CSMD3: variants seen among roughly 807,000 people sequenced by gnomAD.
CSMD3 encodes the protein CUB and sushi domain-containing protein 3.
Under a neutral mutation model 435.2 loss-of-function variants are expected in CSMD3, and 177 were observed. The observed-to-expected ratio is 0.41, with a 90% confidence interval of 0.36 to 0.46. The LOEUF (loss-of-function observed/expected upper bound fraction) is 0.46, where lower values mean the gene tolerates loss of function less well. Among genes scored for constraint, CSMD3 ranks in the 20% least tolerant of loss-of-function variants. The pLI is 0.34. For synonymous variants in CSMD3, 1,656 were observed against 1,520.5 expected (o/e 1.09, Z -2.07); for missense variants, 4,265 against 4,504.6 (o/e 0.95, Z 1.52).
intron 27 of CSMD3, among the ~76,000 whole-genome samples, chr8:112,524,495 C>T (rs1005327382): frequency 6.6e-6 from 1 of 151,926 alleles, no homozygotes; most frequent in Non-Finnish European, 1.5e-5. Context: ...TACCAGGTAC[C>T]GTGCCAAGTT....
At chr8:113,275,619 A>C (rs2093563672) in intron 3 of CSMD3, among the ~76,000 whole-genome samples, 1 of 152,070 alleles carries the variant, frequency 6.6e-6, no homozygotes. Flanking sequence ...AAGTTTTTTA[A>C]AAATAGTAAA....
intron 23 of CSMD3, among the ~76,000 whole-genome samples, chr8:112,581,103 A>G (rs1830305100): frequency 6.6e-6 from 1 of 152,120 alleles, no homozygotes; most frequent in Admixed American, 6.6e-5. Flanking sequence ...TGCTTTATAA[A>G]CATCATTTAA....
In CSMD3 at chr8:112,866,097, T is replaced by C. The variant is rs760152739; in HGVS notation, c.1634-6831A>G. Among the ~76,000 whole-genome samples the C allele has an allele frequency of 5.9e-5, 9 of 152,170 alleles. No homozygotes were observed. The South Asian group carries it at 1.0e-3, about 18-fold the overall frequency. On this transcript the variant is annotated intron_variant, in intron 10 of 70. Coordinates refer to ENST00000297405, the MANE Select transcript of CSMD3 (RefSeq NM_198123.2). ...ATTAGGGTTGTTGAAAGATTTCTGGTAAGGAACATTTTGTTGATGGTATGA... is the reference window on the plus strand; with the variant it reads ...ATTAGGGTTGTTGAAAGATTTCTGGCAAGGAACATTTTGTTGATGGTATGA...
intron 32 of CSMD3, among the ~76,000 whole-genome samples, chr8:112,468,071 A>T (rs1230921938): frequency 4.6e-5 from 7 of 152,194 alleles, no homozygotes; most frequent in Non-Finnish European, 8.8e-5. Context: ...AGGTGGGAGA[A>T]TAGGAAGGAA....
chr8:113,198,660 A>G (rs958344687), intron 3 of CSMD3, among the ~76,000 whole-genome samples: 1 of 151,304 alleles, frequency 6.6e-6, no homozygotes, highest in African/African-American at 2.4e-5. Context: ...TGGACAGACT[A>G]AATGATTATT....
chr8:113,289,495 C>T (rs539956102), intron 2 of CSMD3, among the ~76,000 whole-genome samples: 1 of 149,268 alleles, frequency 6.7e-6, no homozygotes, highest in South Asian at 2.1e-4. Context: ...AAAATTATGA[C>T]CGAGAGAGAG....
At chr8:112,569,348 C>T (rs889259366) in intron 24 of CSMD3, among the ~76,000 whole-genome samples, 2 of 152,096 alleles carry the variant, frequency 1.3e-5, no homozygotes, top group African/African-American at 2.4e-5. Flanking sequence ...TCTCACTCTT[C>T]ACTTTTTCTT....
At chr8:112,911,509 T>C (rs1406035826) in intron 10 of CSMD3, among the ~76,000 whole-genome samples, 2 of 151,684 alleles carry the variant, frequency 1.3e-5, no homozygotes, top group South Asian at 2.1e-4. Flanking sequence ...TCATACAATG[T>C]TTGTCTTTGT....
intron 51 of CSMD3, among the ~76,000 whole-genome samples, chr8:112,305,755 A>G (rs781316617): frequency 3.3e-5 from 5 of 152,292 alleles, no homozygotes; most frequent in Non-Finnish European, 7.4e-5. Flanking sequence ...TTTACAAAAT[A>G]AAACATCATT....
At chr8:112,693,558 C>A (rs1221756297) in intron 13 of CSMD3, among the ~76,000 whole-genome samples, 1 of 151,794 alleles carries the variant, frequency 6.6e-6, no homozygotes, top group Non-Finnish European at 1.5e-5. Flanking sequence ...ATTAATCTGC[C>A]CCTTCTCCTC....
intron 42 of CSMD3, among the ~76,000 whole-genome samples, chr8:112,338,913 T>G (rs901734616): frequency 5.3e-5 from 8 of 152,116 alleles, no homozygotes; most frequent in African/African-American, 1.9e-4. Flanking sequence ...TTTAGTTTAA[T>G]AAGTATAGAA....
chr8:112,525,826 A>AT lies in CSMD3; in HGVS notation c.4565-8602_4565-8601insA, dbSNP rs1258902488. ...TATATATATACACACACATATAAAAAATATATATATATATATACAGGGTCT... is the reference window on the plus strand; with the variant it reads ...TATATATATACACACACATATAAAAATATATATATATATATATACAGGGTCT... On this transcript the variant is annotated intron_variant, in intron 27 of 70. Transcript: ENST00000297405. 1.4e-3 allele frequency among the ~76,000 whole-genome samples: 188 copies of AT among 135,326 alleles called. 1 individual carries two copies. Among genetic ancestry groups the AT allele is most frequent in the African/African-American group, 4.7e-3 (172 of 36,290 alleles). The allele number at this position is 135,326 out of a possible 152,430, so 88.8% of individuals were successfully genotyped here. A position where few individuals can be genotyped will look rare whatever the true frequency, so the allele number is the denominator to read the frequency against.
chr8:113,405,700 A>C (rs1323932834), intron 1 of CSMD3, among the ~76,000 whole-genome samples: 2 of 151,714 alleles, frequency 1.3e-5, no homozygotes, highest in Admixed American at 6.6e-5. Context: ...AAAATGTAGG[A>C]TCACCTATGG....
chr8:112,870,926 G>T (rs1587531557), intron 10 of CSMD3, among the ~76,000 whole-genome samples: 3 of 152,062 alleles, frequency 2.0e-5, no homozygotes, highest in Admixed American at 2.0e-4. Context: ...ATGGAGAAAA[G>T]GAATTGTTTT....
chr8:112,624,384 A>T (rs1008393506), intron 22 of CSMD3, among the ~76,000 whole-genome samples: 6 of 152,132 alleles, frequency 3.9e-5, no homozygotes. Flanking sequence ...ATAAAACTAT[A>T]TAATGTCCAC....
At chr8:113,201,971 C>T (rs1423383172) in intron 3 of CSMD3, among the ~76,000 whole-genome samples, 1 of 152,062 alleles carries the variant, frequency 6.6e-6, no homozygotes, top group Non-Finnish European at 1.5e-5. Context: ...CAAACTGCCA[C>T]AGCTAGTATG....
At chr8:112,345,286 A>G (rs371722223) in intron 41 of CSMD3, among the ~76,000 whole-genome samples, 6 of 152,300 alleles carry the variant, frequency 3.9e-5, no homozygotes, top group East Asian at 3.9e-4. Context: ...GATATCTTCA[A>G]TCTTGTATTT....
chr8:113,435,496 T>G (rs889377865), intron 1 of CSMD3, among the ~76,000 whole-genome samples: 2 of 152,056 alleles, frequency 1.3e-5, no homozygotes, highest in Non-Finnish European at 2.9e-5. Context: ...AACTGTTTCA[T>G]AGAGACGCGG....
intron 13 of CSMD3, among the ~76,000 whole-genome samples, chr8:112,704,145 T>A (rs2076449185): frequency 6.6e-6 from 1 of 151,474 alleles, no homozygotes. Flanking sequence ...TATTTAATTC[T>A]CTCTCTCTCT....
Sources: gnomAD v4.1 joint callset for allele counts (sites outside exome capture counted in the v4.1 genomes callset) on GRCh38, gnomAD v4.1.1 for gene constraint, MANE v1.5 for transcripts, NCBI Gene and HGNC (gene_info 2026-07-23, HGNC 2026-07-21) for gene names.